Variants in PDLIM5 observed in about 807,000 individuals in gnomAD.
PDLIM5 encodes PDZ and LIM domain protein 5.
Under a neutral mutation model 64.2 loss-of-function variants are expected in PDLIM5, and 34 were observed. That is an observed-to-expected ratio of 0.53 (90% confidence interval 0.40 to 0.71). PDLIM5 has a LOEUF of 0.71. Ranked by LOEUF, PDLIM5 falls within the 30% of genes least tolerant of loss-of-function variation. The pLI, the probability that PDLIM5 is intolerant of heterozygous loss-of-function variation, is 0.00. For synonymous variants in PDLIM5, 253 were observed against 269.1 expected (o/e 0.94, Z 0.59); for missense variants, 683 against 733.6 (o/e 0.93, Z 0.80).
chr4:94,655,856 C>T (rs1172822825), intron 10 of PDLIM5, among the ~76,000 whole-genome samples: 1 of 152,116 alleles, frequency 6.6e-6, no homozygotes, highest in Admixed American at 6.5e-5. Context: ...ATTTGATTAC[C>T]TGTTAAAGAT....
At chr4:94,639,174 C>G (rs1560758149) in intron 8 of PDLIM5, among the ~76,000 whole-genome samples, 1 of 151,930 alleles carries the variant, frequency 6.6e-6, no homozygotes, top group African/African-American at 2.4e-5. Context: ...ATACATAGAC[C>G]CATTCACAAG....
At chr4:94,453,155 A>G (rs1430656669) in intron 1 of PDLIM5, among the ~76,000 whole-genome samples, 1 of 152,056 alleles carries the variant, frequency 6.6e-6, no homozygotes. Context: ...AAAATCCATA[A>G]CTCTACAGAA....
intron 7 of PDLIM5, among the ~76,000 whole-genome samples, chr4:94,597,526 T>C (rs1737161355): frequency 6.6e-6 from 1 of 152,150 alleles, no homozygotes; most frequent in African/African-American, 2.4e-5. Context: ...AAATGCTCTG[T>C]GTTGAAAGAC....
chr4:94,612,914 T>G (rs1022881842), intron 7 of PDLIM5, among the ~76,000 whole-genome samples: 1 of 150,932 alleles, frequency 6.6e-6, no homozygotes, highest in African/African-American at 2.4e-5. Context: ...TCCATTAAAA[T>G]ATATTTTTCC....
At chr4:94,515,328 G>C (rs1343528060) in intron 2 of PDLIM5, among the ~76,000 whole-genome samples, 1 of 152,118 alleles carries the variant, frequency 6.6e-6, no homozygotes, top group Non-Finnish European at 1.5e-5. Context: ...TTAACATTTT[G>C]AAGATTATTA....
At chr4:94,464,411 A>G (rs1724164370) in intron 2 of PDLIM5, among the ~76,000 whole-genome samples, 1 of 152,220 alleles carries the variant, frequency 6.6e-6, no homozygotes. Flanking sequence ...TATTTTTCAA[A>G]TGATTTCTGG....
intron 8 of PDLIM5, among the ~76,000 whole-genome samples, chr4:94,628,114 T>TTCA (rs1398429291): frequency 6.6e-6 from 1 of 152,212 alleles, no homozygotes; most frequent in Non-Finnish European, 1.5e-5. Context: ...CTTTTACTAC[T>TTCA]TCATTGAATC....
At position 94,575,613 on chromosome 4, in the gene PDLIM5, T is replaced by C. The variant is rs1428089642; in HGVS notation, c.292-3T>C. On this transcript the variant is annotated splice_region_variant and splice_polypyrimidine_tract_variant and intron_variant, in intron 4 of 12. Coordinates refer to ENST00000317968, the MANE Select transcript of PDLIM5 (RefSeq NM_006457.5). ...TGTGTATGTTTATTTTTGTTTTACATAGGGAGAACCTAAAGAAGTAGTTAA... is the reference window on the plus strand; with the variant it reads ...TGTGTATGTTTATTTTTGTTTTACACAGGGAGAACCTAAAGAAGTAGTTAA... 30 of 1,540,364 alleles carry C rather than the reference T, an allele frequency of 1.9e-5. No individual in the cohort carries two copies. Among genetic ancestry groups the C allele is most frequent in the Non-Finnish European group, 2.5e-5 (29 of 1,139,150 alleles).
At chr4:94,649,830 T>C (rs1301826064) in intron 9 of PDLIM5, among the ~76,000 whole-genome samples, 1 of 152,256 alleles carries the variant, frequency 6.6e-6, no homozygotes, top group Non-Finnish European at 1.5e-5. Context: ...CAGTAGACTT[T>C]TAAAAAATTG....
chr4:94,493,832 A>G (rs1432687371), intron 2 of PDLIM5, among the ~76,000 whole-genome samples: 3 of 152,206 alleles, frequency 2.0e-5, no homozygotes, highest in East Asian at 1.9e-4. Context: ...TTCATAGACT[A>G]TTGTAATCTG....
chr4:94,540,192 G>A (rs1398510100), intron 3 of PDLIM5, among the ~76,000 whole-genome samples: 2 of 150,418 alleles, frequency 1.3e-5, no homozygotes, highest in South Asian at 2.1e-4. Flanking sequence ...GTGCAGTGGC[G>A]CGATCTCGGC....
At chr4:94,639,785 C>T (rs1018441804) in intron 8 of PDLIM5, among the ~76,000 whole-genome samples, 12 of 152,150 alleles carry the variant, frequency 7.9e-5, no homozygotes, top group African/African-American at 2.4e-4. Context: ...ACCATGTCTT[C>T]TCGTAGAAGC....
chr4:94,529,048 T>C (rs1207139704), intron 3 of PDLIM5, among the ~76,000 whole-genome samples: 6 of 151,978 alleles, frequency 3.9e-5, no homozygotes, highest in Non-Finnish European at 7.4e-5. Context: ...AGGAAGGGAG[T>C]AGAAGTGGCG....
intron 7 of PDLIM5, among the ~76,000 whole-genome samples, chr4:94,594,749 AT>A (rs1736937092): frequency 6.6e-6 from 1 of 152,186 alleles, no homozygotes; most frequent in African/African-American, 2.4e-5. Context: ...AATGCTATAT[AT>A]AAGTATAAAG....
At chr4:94,631,188 C>G (rs569151120) in intron 8 of PDLIM5, among the ~76,000 whole-genome samples, 19 of 151,994 alleles carry the variant, frequency 1.3e-4, no homozygotes, top group Non-Finnish European at 2.4e-4. Flanking sequence ...CAGATTTGAG[C>G]CACCACACCT....
intron 7 of PDLIM5, among the ~76,000 whole-genome samples, chr4:94,592,641 T>C (rs2110332479): frequency 6.6e-6 from 1 of 152,340 alleles, no homozygotes; most frequent in Admixed American, 6.5e-5. Context: ...TTTGTTTTGT[T>C]TTTTGAGACA....
chr4:94,610,800 T>C (rs1447165748), intron 7 of PDLIM5, among the ~76,000 whole-genome samples: 1 of 152,188 alleles, frequency 6.6e-6, no homozygotes, highest in African/African-American at 2.4e-5. Flanking sequence ...TCTTTAGAGC[T>C]TCAAATGCTT....
intron 3 of PDLIM5, among the ~76,000 whole-genome samples, chr4:94,525,664 T>C (rs918466216): frequency 3.3e-5 from 5 of 152,304 alleles, no homozygotes; most frequent in Middle Eastern, 3.4e-3. Context: ...TAGGAAATTG[T>C]TTTTGCAAAC....
At chr4:94,468,619 T>C (rs988263293) in intron 2 of PDLIM5, among the ~76,000 whole-genome samples, 1 of 152,226 alleles carries the variant, frequency 6.6e-6, no homozygotes, top group Non-Finnish European at 1.5e-5. Flanking sequence ...GTTTTGTTTT[T>C]AGGTGCATAT....
Sources: gnomAD v4.1 joint callset for allele counts (sites outside exome capture counted in the v4.1 genomes callset) on GRCh38, gnomAD v4.1.1 for gene constraint, MANE v1.5 for transcripts, NCBI Gene and HGNC (gene_info 2026-07-23, HGNC 2026-07-21) for gene names.